Variants in RPSA2 observed in about 807,000 individuals in gnomAD.
RPSA2 encodes small ribosomal subunit protein uS2B.
At chr19:23,827,541 C>T in the RPSA2 span, 1 of 1,596,288 alleles carries the variant, frequency 6.3e-7, no homozygotes, top group Non-Finnish European at 8.5e-7. Flanking sequence ...GTTACTGACC[C>T]CAGGGCTGAC....
At chr19:23,855,268 G>A in the RPSA2 span, among the ~76,000 whole-genome samples, 7 of 152,098 alleles carry the variant, frequency 4.6e-5, no homozygotes, top group Non-Finnish European at 8.8e-5. Context: ...CTGACCACAA[G>A]GTATGCAATT....
chr19:23,868,673 T>C, the RPSA2 span, among the ~76,000 whole-genome samples: 1 of 152,216 alleles, frequency 6.6e-6, no homozygotes. Context: ...GAAATTATTA[T>C]GGAAATCCCT....
the RPSA2 span, among the ~76,000 whole-genome samples, chr19:23,759,568 G>A: frequency 2.7e-5 from 3 of 112,706 alleles, no homozygotes; most frequent in African/African-American, 3.4e-5. Context: ...CTGTTGCCCA[G>A]GATGGAGTGC....
At chr19:23,847,967 C>A in the RPSA2 span, among the ~76,000 whole-genome samples, 163 of 152,250 alleles carry the variant, frequency 1.1e-3, no homozygotes, top group African/African-American at 3.6e-3. Flanking sequence ...GCAGTCAGAC[C>A]TTATGGTTGT....
the RPSA2 span, among the ~76,000 whole-genome samples, chr19:23,865,982 G>T: frequency 8.1e-4 from 124 of 152,314 alleles, no homozygotes; most frequent in Middle Eastern, 6.8e-3. Flanking sequence ...GTGCATATCT[G>T]ACATGGAGTT....
At chr19:23,815,980 T>C in the RPSA2 span, among the ~76,000 whole-genome samples, 2 of 128,558 alleles carry the variant, frequency 1.6e-5, no homozygotes, top group African/African-American at 5.7e-5. Context: ...GTTACTATTT[T>C]CATAAAATGT....
the RPSA2 span, among the ~76,000 whole-genome samples, chr19:23,804,623 TAATG>T: frequency 2.6e-5 from 4 of 152,176 alleles, no homozygotes; most frequent in African/African-American, 7.2e-5. Flanking sequence ...ACAGTGCTAA[TAATG>T]AGCCCAGAGA....
At chr19:23,832,792 G>A in the RPSA2 span, 603 of 1,568,652 alleles carry the variant, frequency 3.8e-4, 1 homozygote, top group Non-Finnish European at 5.0e-4. Context: ...TCATACTGGA[G>A]AGAAACCCTA....
chr19:23,845,698 G>T, the RPSA2 span, among the ~76,000 whole-genome samples: 12 of 152,222 alleles, frequency 7.9e-5, no homozygotes, highest in East Asian at 2.3e-3. Flanking sequence ...TTTGCATGTT[G>T]CTCAGGCCGT....
the RPSA2 span, among the ~76,000 whole-genome samples, chr19:23,790,620 G>C: frequency 2.0e-5 from 3 of 152,064 alleles, no homozygotes; most frequent in Non-Finnish European, 4.4e-5. Flanking sequence ...GTTGTAGTTG[G>C]GGGGACTGTG....
At chr19:23,857,875 G>C in the RPSA2 span, among the ~76,000 whole-genome samples, 2 of 151,810 alleles carry the variant, frequency 1.3e-5, no homozygotes, top group Non-Finnish European at 2.9e-5. Flanking sequence ...CTTTAAAAGT[G>C]GAATAAACCT....
At chr19:23,854,213 A>T in the RPSA2 span, among the ~76,000 whole-genome samples, 1 of 152,208 alleles carries the variant, frequency 6.6e-6, no homozygotes, top group Non-Finnish European at 1.5e-5. Context: ...ATGAACAGTG[A>T]TTCCTTTAGC....
the RPSA2 span, among the ~76,000 whole-genome samples, chr19:23,795,156 G>A: frequency 1.4e-5 from 2 of 146,308 alleles, no homozygotes; most frequent in African/African-American, 5.0e-5. Flanking sequence ...TTGGCTATTC[G>A]GACTCTTTTG....
the RPSA2 span, among the ~76,000 whole-genome samples, chr19:23,865,649 G>C: frequency 1.3e-5 from 2 of 152,192 alleles, no homozygotes; most frequent in South Asian, 2.1e-4. Flanking sequence ...AAAAAAGAGA[G>C]GAGAATTGGC....
chr19:23,781,055 A>G, the RPSA2 span, among the ~76,000 whole-genome samples: 1 of 152,080 alleles, frequency 6.6e-6, no homozygotes, highest in African/African-American at 2.4e-5. Context: ...GCTCACTGCA[A>G]CCTCCACCTA....
chr19:23,861,844 G>T, the RPSA2 span, among the ~76,000 whole-genome samples: 1 of 152,070 alleles, frequency 6.6e-6, no homozygotes, highest in Non-Finnish European at 1.5e-5. Flanking sequence ...TCTTCCCTTG[G>T]TTTGACCATC....
chr19:23,816,793 G>C, the RPSA2 span, among the ~76,000 whole-genome samples: 4 of 152,156 alleles, frequency 2.6e-5, no homozygotes, highest in Non-Finnish European at 5.9e-5. Context: ...GGCAGACAGA[G>C]AGCTTGTGCA....
chr19:23,772,506 T>A, the RPSA2 span, among the ~76,000 whole-genome samples: 1 of 151,476 alleles, frequency 6.6e-6, no homozygotes, highest in Non-Finnish European at 1.5e-5. Context: ...GAAGAAATAG[T>A]GTCTCTCATA....
the RPSA2 span, among the ~76,000 whole-genome samples, chr19:23,867,259 G>A: frequency 1.3e-5 from 2 of 152,186 alleles, no homozygotes; most frequent in East Asian, 3.9e-4. Context: ...TCCCTAGTGG[G>A]AGTAGGAGCA....
Sources: allele counts gnomAD v4.1 joint callset (sites outside exome capture counted in the v4.1 genomes callset), GRCh38; gene constraint gnomAD v4.1.1; transcripts MANE v1.5; gene names NCBI Gene and HGNC (gene_info 2026-07-23, HGNC 2026-07-21).